Variants in HMCN2 observed in about 807,000 individuals in gnomAD.
HMCN2 encodes the protein hemicentin 2.
A neutral mutation model predicts 377.5 loss-of-function variants in HMCN2; 325 were observed. The ratio of observed to expected loss-of-function variants is 0.86; its 90% CI spans 0.79 to 0.94. The LOEUF (loss-of-function observed/expected upper bound fraction) is 0.94, where lower values mean the gene tolerates loss of function less well. Among genes scored for constraint, HMCN2 ranks in the 40% least tolerant of loss-of-function variants. The pLI, the probability that HMCN2 is intolerant of heterozygous loss-of-function variation, is 0.00. For synonymous variants in HMCN2, 2,007 were observed against 2,046.8 expected, an observed-to-expected ratio of 0.98 and a Z score of 0.53; for missense variants, 4,543 against 4,725.3, an observed-to-expected ratio of 0.96 and a Z score of 1.13.
chr9:130,426,000 G>GCCCTATCCACCCA (rs1844335880), intron 90 of HMCN2, 76 bp downstream of exon 90: 2 of 1,122,206 alleles, frequency 1.8e-6, no homozygotes, highest in African/African-American at 3.1e-5. Context: ...CACGTGGCTG[G>GCCCTATCCACCCA]AATCCACCCC....
At chr9:130,271,520 C>T (rs1329467359) in intron 1 of HMCN2, among the ~76,000 whole-genome samples, 1 of 149,250 alleles carries the variant, frequency 6.7e-6, no homozygotes, top group Non-Finnish European at 1.5e-5. Context: ...TGACTGTGGT[C>T]ATCGGGAGCT....
At position 130,399,492 on chromosome 9, in the gene HMCN2, G is replaced by A. The variant is rs79536859; in HGVS notation, c.11484-19G>A. 21,962 of 1,263,044 alleles carry A rather than the reference G, an allele frequency of 0.017. 285 individuals are homozygous for A. The highest frequency in any genetic ancestry group is 0.033 in the South Asian group (2,651 of 79,204). 78.2% of individuals were successfully genotyped at this position (1,263,044 alleles called of 1,614,324 possible). ...CTGTCAGCCCAGCAGCCACTTGGCC[G>A]TCTGTCTGTCCACCCCAGGCTCCTG... On this transcript the variant is annotated intron_variant, in intron 75 of 97. Transcript: ENST00000683500.
At position 130,418,759 on chromosome 9, in the gene HMCN2, G is replaced by A. The variant is rs755148927; in HGVS notation, c.12962-13G>A. ...AATTAAATGTTCCTAAAAGCCACCT[G>A]GGCCTCCCACAGGTGCTCCGGTGTT... On this transcript the variant is annotated splice_polypyrimidine_tract_variant and intron_variant, in intron 85 of 97. Coordinates refer to ENST00000683500, the MANE Select transcript of HMCN2 (RefSeq NM_001291815.2). The A allele has an allele frequency of 6.5e-6, 9 of 1,393,656 alleles. No homozygotes were observed. The highest frequency in any genetic ancestry group is 7.5e-6 in the Non-Finnish European group (8 of 1,065,014). 86.3% of individuals were successfully genotyped at this position (1,393,656 alleles called of 1,614,324 possible).
At position 130,376,673 on chromosome 9, in the gene HMCN2, C is replaced by G; in HGVS notation, c.8061+15C>G. On this transcript the variant is annotated intron_variant, in intron 52 of 97. Coordinates refer to ENST00000683500, the MANE Select transcript of HMCN2 (RefSeq NM_001291815.2). ...AGGATGGACAGGTGAGTTTGGGACCCCCTGCGCAGCTTCTGGCTCTCACCT... is the reference window on the plus strand; with the variant it reads ...AGGATGGACAGGTGAGTTTGGGACCGCCTGCGCAGCTTCTGGCTCTCACCT... 1 of 985,850 alleles carries G rather than the reference C, an allele frequency of 1.0e-6. No individual in the cohort carries two copies. Among genetic ancestry groups the G allele is most frequent in the Non-Finnish European group, 1.2e-6 (1 of 830,012 alleles). 61.1% of individuals were successfully genotyped at this position (985,850 alleles called of 1,614,324 possible).
chr9:130,327,949 G>A (rs937033963), intron 22 of HMCN2, among the ~76,000 whole-genome samples: 98 of 152,168 alleles, frequency 6.4e-4, no homozygotes, highest in Admixed American at 4.3e-3. Flanking sequence ...GGGAGTGGGC[G>A]GACAGGGAGG....
intron 43 of HMCN2, 50 bp downstream of exon 43, chr9:130,366,045 G>A (rs1840673206): frequency 1.0e-6 from 1 of 985,750 alleles, no homozygotes; most frequent in East Asian, 1.1e-4. Context: ...GGCACAAGGA[G>A]GCTATGCCCA....
At position 130,418,944 on chromosome 9, in the gene HMCN2, G is replaced by A. The variant is rs1843837339; in HGVS notation, c.13134G>A (p.Trp4378Ter). 3.9e-6 allele frequency: 6 copies of A among 1,540,570 alleles called. No individual in the cohort carries two copies. Among genetic ancestry groups the A allele is most frequent in the Non-Finnish European group, 5.3e-6 (6 of 1,141,816 alleles). Residue 4378 changes from tryptophan to a stop codon, truncating the protein, a stop_gained, in exon 86 of 98, where the codon TGG (tryptophan) becomes TGA (stop). Coordinates refer to ENST00000683500, the MANE Select transcript of HMCN2 (RefSeq NM_001291815.2). LOFTEE classifies it high-confidence loss of function. ...GGACCCTGCCCGATGGGAGCCTGTG[G>A]CTGGAGAACGTGGAGACTGGGGATG... is the stretch of plus-strand genomic sequence containing the variant. Reference protein sequence around the residue: ...RLRTLPDGSLWLENVETGDAG... With the variant: ...RLRTLPDGSL
chr9:130,302,335 C>T (rs887899652), intron 8 of HMCN2, among the ~76,000 whole-genome samples: 4 of 152,206 alleles, frequency 2.6e-5, no homozygotes, highest in Non-Finnish European at 5.9e-5. Flanking sequence ...CGTGAGCCAT[C>T]GCGCCTGGAC....
chr9:130,278,013 CATCACCACCACCACG>C lies in HMCN2; in HGVS notation c.260-6585_260-6571del, dbSNP rs1401417719. Among the ~76,000 whole-genome samples the C allele has an allele frequency of 4.2e-4, 19 of 45,488 alleles. 3 individuals carry two copies. The highest frequency in any genetic ancestry group is 6.4e-4 in the Non-Finnish European group (17 of 26,758). 29.8% of individuals were successfully genotyped at this position (45,488 alleles called of 152,430 possible). The stretch of plus-strand genomic sequence containing the variant: ...CGATCATCACCACCACCACCATCAT[CATCACCACCACCACG>C]ATCATCACCACCACCATCATCATTA... On this transcript the variant is annotated intron_variant, in intron 1 of 97. Transcript: ENST00000683500.
chr9:130,394,387 C>T lies in HMCN2; in HGVS notation c.10504C>T (p.Pro3502Ser). 2 of 1,288,324 alleles carry T rather than the reference C, an allele frequency of 1.6e-6. No individual in the cohort carries two copies. The highest frequency in any genetic ancestry group is 1.2e-5 in the South Asian group (1 of 80,918). 79.8% of individuals were successfully genotyped at this position (1,288,324 alleles called of 1,614,324 possible). ...TTCCCCTCCATGGTGGCTTGCAGAGCCCCCTCACATTGAGGACTCAGGCCA... is the reference window on the plus strand; with the variant it reads ...TTCCCCTCCATGGTGGCTTGCAGAGTCCCCTCACATTGAGGACTCAGGCCA... ...RRHFQLTVME[P>S]PHIEDSGQPT... is the part of the protein sequence containing the mutation. The change falls in exon 69 of 98, where the codon CCC becomes TCC. Residue 3502 changes from proline to serine, a missense_variant and splice_region_variant. Coordinates refer to ENST00000683500, the MANE Select transcript of HMCN2 (RefSeq NM_001291815.2). This position sits in a 1 kb window ranked among gnomAD's most constrained non-coding sequence, Gnocchi z 5.1.
intron 97 of HMCN2, 43 bp from the exon 98 acceptor site, chr9:130,433,305 G>C (rs1443173278): frequency 7.3e-7 from 1 of 1,370,962 alleles, no homozygotes; most frequent in African/African-American, 1.5e-5. Flanking sequence ...CGCTCCGACC[G>C]CACCCCCGAG....
Position 130,296,803 on chromosome 9 carries a change from C to G in HMCN2, c.1012+9C>G, listed in dbSNP as rs782591600. ...CGAGTGGCCCTTGCAAGGTACAGTA[C>G]CCCGACCCTACAGACAGTGCTGAGC... On this transcript the variant is annotated intron_variant, in intron 7 of 97. Coordinates refer to ENST00000683500, the MANE Select transcript of HMCN2 (RefSeq NM_001291815.2). 5 of 471,074 alleles carry G rather than the reference C, an allele frequency of 1.1e-5. No individual in the cohort carries two copies. The highest frequency in any genetic ancestry group is 7.7e-5 in the South Asian group (5 of 64,552). The allele number at this position is 471,074 out of a possible 1,614,324, so 29.2% of individuals were successfully genotyped here. A position where few individuals can be genotyped will look rare whatever the true frequency, so the allele number is the denominator to read the frequency against.
At position 130,361,905 on chromosome 9, in the gene HMCN2, T is replaced by G; in HGVS notation, c.5951-103T>G. 1.3e-6 allele frequency: 1 copy of G among 763,670 alleles called. No individual in the cohort carries two copies. The highest frequency in any genetic ancestry group is 5.9e-5 in the South Asian group (1 of 17,028). The allele number at this position is 763,670 out of a possible 1,614,324, so 47.3% of individuals were successfully genotyped here. ...GTGTCTGGATGGCTGTCCTTGTGCT[T>G]TTGCTGTGGCTGTGTGCTCCTGCAG... On this transcript the variant is annotated intron_variant, in intron 38 of 97. Coordinates refer to ENST00000683500, the MANE Select transcript of HMCN2 (RefSeq NM_001291815.2). This position sits in a 1 kb window ranked among gnomAD's most constrained non-coding sequence, Gnocchi z 4.8.
chr9:130,303,425 CG>C lies in HMCN2; in HGVS notation c.1422-55del, dbSNP rs1299342824. Reference sequence around the variant, plus strand: ...TGGGCAGGATTCAGGGGACTGAAGTCGGGGGGGACCCTGAGTGGGGGTCAGT... The same window carrying C: ...TGGGCAGGATTCAGGGGACTGAAGTCGGGGGGACCCTGAGTGGGGGTCAGT... On this transcript the variant is annotated intron_variant, in intron 9 of 97. Transcript: ENST00000683500. This position sits in a 1 kb window ranked among gnomAD's most constrained non-coding sequence, Gnocchi z 5.2. 1.9e-4 allele frequency: 68 copies of C among 366,870 alleles called. No homozygotes were observed. The highest frequency in any genetic ancestry group is 2.6e-4 in the Admixed American group (8 of 30,448). The allele number at this position is 366,870 out of a possible 1,614,324, so 22.7% of individuals were successfully genotyped here. A position where few individuals can be genotyped will look rare whatever the true frequency, so the allele number is the denominator to read the frequency against.
chr9:130,349,432 G>T, intron 28 of HMCN2, 105 bp from the exon 29 acceptor site: 1 of 1,203,932 alleles, frequency 8.3e-7, no homozygotes. Flanking sequence ...AGGTCAGGTA[G>T]GAGGGGGGCC....
At chr9:130,317,426 G>C (rs1322880226) in intron 15 of HMCN2, among the ~76,000 whole-genome samples, 1 of 151,446 alleles carries the variant, frequency 6.6e-6, no homozygotes. Flanking sequence ...AGCTATGATT[G>C]TGCCACTGTG....
chr9:130,279,159 A>T (rs978498835), intron 1 of HMCN2, among the ~76,000 whole-genome samples: 3 of 151,996 alleles, frequency 2.0e-5, no homozygotes, highest in African/African-American at 7.3e-5. Flanking sequence ...TCGGCCTCCC[A>T]AAGTGCTGGG....
chr9:130,393,664 A>G lies in HMCN2; in HGVS notation c.10235-78A>G. ...GGGGACCAGGGCGGCTTCCTGGAAG[A>G]GGTGATGTCTAAGCTGAGTACTGGA... is the stretch of plus-strand genomic sequence containing the variant. On this transcript the variant is annotated intron_variant, in intron 67 of 97. Coordinates refer to ENST00000683500, the MANE Select transcript of HMCN2 (RefSeq NM_001291815.2). The surrounding 1 kb of genome is among the most constrained non-coding windows in gnomAD (Gnocchi z 5.2). 8.6e-7 allele frequency: 1 copy of G among 1,164,012 alleles called. No homozygotes were observed. The allele number at this position is 1,164,012 out of a possible 1,614,324, so 72.1% of individuals were successfully genotyped here.
intron 21 of HMCN2, among the ~76,000 whole-genome samples, chr9:130,326,697 T>C (rs2131419759): frequency 6.6e-6 from 1 of 152,296 alleles, no homozygotes. Flanking sequence ...TCTTTCATTG[T>C]TGCTGCTCAG....
Sources: allele counts gnomAD v4.1 joint callset (sites outside exome capture counted in the v4.1 genomes callset), GRCh38; gene constraint gnomAD v4.1.1; non-coding constraint Gnocchi (gnomAD v3.1); transcripts MANE v1.5; gene names NCBI Gene and HGNC (gene_info 2026-07-23, HGNC 2026-07-21).